EFNA3: variants seen among roughly 807,000 people sequenced by gnomAD.
The protein encoded by EFNA3 is ephrin A3.
In EFNA3, 15 loss-of-function variants were observed where a neutral mutation model predicts 25.0. The observed-to-expected ratio is 0.60, with a 90% CI of 0.40 to 0.92. The LOEUF (loss-of-function observed/expected upper bound fraction) is 0.92, where lower values mean the gene tolerates loss of function less well. Ranked by LOEUF, EFNA3 falls within the 40% of genes least tolerant of loss-of-function variation. The pLI is 0.00. For missense variants in EFNA3, 298 were observed against 323.8 expected, an observed-to-expected ratio of 0.92 and a Z score of 0.61; for synonymous variants, 153 against 145.6, an observed-to-expected ratio of 1.05 and a Z score of -0.37.
At chr1:155,083,668 G>A (rs1663385577) in intron 1 of EFNA3, among the ~76,000 whole-genome samples, 1 of 152,234 alleles carries the variant, frequency 6.6e-6, no homozygotes, top group Admixed American at 6.5e-5. Context: ...TGGGGTCAGG[G>A]GGGAGGGACC....
Position 155,081,741 on chromosome 1 carries a change from C to A in EFNA3, c.128+2672C>A, listed in dbSNP as rs1663346050. 1.3e-5 allele frequency among the ~76,000 whole-genome samples: 2 copies of A among 152,122 alleles called. No homozygotes were observed. The highest frequency in any genetic ancestry group is 2.1e-4 in the South Asian group (1 of 4,828). Reference sequence around the variant, plus strand: ...CCTGTTCTCCAAGACTCTCGGTTCTCGTTCTCTTCCCTGCCTCTCTCGGTT... The same window carrying A: ...CCTGTTCTCCAAGACTCTCGGTTCTAGTTCTCTTCCCTGCCTCTCTCGGTT... On this transcript the variant is annotated intron_variant, in intron 1 of 4. Transcript: ENST00000368408. The surrounding 1 kb of genome is among the most constrained non-coding windows in gnomAD (Gnocchi z 5.2).
Position 155,083,915 on chromosome 1 carries a change from G to A in EFNA3, c.129-1176G>A, listed in dbSNP as rs72702271. 5.9e-3 allele frequency among the ~76,000 whole-genome samples: 906 copies of A among 152,284 alleles called. 3 individuals are homozygous for A. The highest frequency in any genetic ancestry group is 8.2e-3 in the Non-Finnish European group (561 of 68,010). Reference sequence around the variant, plus strand: ...GCATTCTTACGCTAAAGAAATTAGGGAAAACTCCTGCCCCCTCTCCGAGTT... The same window carrying A: ...GCATTCTTACGCTAAAGAAATTAGGAAAAACTCCTGCCCCCTCTCCGAGTT... On this transcript the variant is annotated intron_variant, in intron 1 of 4. Transcript: ENST00000368408.
Position 155,086,107 on chromosome 1 carries a change from CA to C in EFNA3, c.509-20del. The C allele has an allele frequency of 3.8e-6, 6 of 1,595,824 alleles. No individual in the cohort carries two copies. The highest frequency in any genetic ancestry group is 5.1e-6 in the Non-Finnish European group (6 of 1,165,820). On this transcript the variant is annotated intron_variant, in intron 3 of 4. Transcript: ENST00000368408. ...CCCTGACTCTCCCCTCCTCTCTCCC[CA>C]CCCGCACCCCACCCCGCAGCATCGC...
intron 4 of EFNA3, 31 bp downstream of exon 4, chr1:155,086,236 C>T (rs1222412904): frequency 1.2e-6 from 2 of 1,611,626 alleles, no homozygotes; most frequent in East Asian, 2.2e-5. Flanking sequence ...CTGGTGGCCA[C>T]TGCTGGAACC....
rs1308332099 is a variant in EFNA3, at chr1:155,079,387, T to G, written c.128+318T>G. On this transcript the variant is annotated intron_variant, in intron 1 of 4. Coordinates refer to ENST00000368408, the MANE Select transcript of EFNA3 (RefSeq NM_004952.5). The surrounding 1 kb of genome is among the most constrained non-coding windows in gnomAD (Gnocchi z 7.7). Reference sequence around the variant, plus strand: ...TGTCCCATAGTCCCACCAGTTGGGCTGGGGTTTGGGGGTAGCGCTGTGCTG... The same window carrying G: ...TGTCCCATAGTCCCACCAGTTGGGCGGGGGTTTGGGGGTAGCGCTGTGCTG... Among the ~76,000 whole-genome samples, 8 of 152,224 alleles carry G rather than the reference T, an allele frequency of 5.3e-5. No homozygotes were observed. Among genetic ancestry groups the G allele is most frequent in the African/African-American group, 1.9e-4 (8 of 41,544 alleles).
At position 155,085,079 on chromosome 1, in the gene EFNA3, T is replaced by C; in HGVS notation, c.129-12T>C. 1.9e-6 allele frequency: 3 copies of C among 1,612,928 alleles called. No individual in the cohort carries two copies. Among genetic ancestry groups the C allele is most frequent in the Non-Finnish European group, 2.5e-6 (3 of 1,179,720 alleles). On this transcript the variant is annotated splice_polypyrimidine_tract_variant and intron_variant, in intron 1 of 4. Transcript: ENST00000368408. The surrounding 1 kb of genome is among the most constrained non-coding windows in gnomAD (Gnocchi z 4.4). ...GGTTTCTTCTCTCTGAGCCGCTTCCTCTTCCCCACAGCCTGCGGCGAGAGG... is the reference window on the plus strand; with the variant it reads ...GGTTTCTTCTCTCTGAGCCGCTTCCCCTTCCCCACAGCCTGCGGCGAGAGG...
rs931542858 is a variant in EFNA3 at position 155,086,558 on chromosome 1, C to G, written c.*15C>G. On this transcript the variant is annotated 3_prime_UTR_variant, in exon 5 of 5. Transcript: ENST00000368408. The stretch of plus-strand genomic sequence containing the variant: ...TGGCCTCCTAGCTCTGCCCCCTCCC[C>G]TGGGGGGGGAGAGATGGGGCGGGGC... 4.9e-5 allele frequency: 79 copies of G among 1,602,270 alleles called. No homozygotes were observed. Among genetic ancestry groups the G allele is most frequent in the Admixed American group, 8.4e-5 (5 of 59,544 alleles).
At position 155,078,912 on chromosome 1, in the gene EFNA3, C is replaced by A. The variant is rs1405554420; in HGVS notation, c.-30C>A. The A allele has an allele frequency of 1.3e-5, 18 of 1,371,778 alleles. No homozygotes were observed. The highest frequency in any genetic ancestry group is 3.6e-5 in the South Asian group (2 of 55,796). The allele number at this position is 1,371,778 out of a possible 1,614,324, so 85.0% of individuals were successfully genotyped here. On this transcript the variant is annotated 5_prime_UTR_variant, in exon 1 of 5. Coordinates refer to ENST00000368408, the MANE Select transcript of EFNA3 (RefSeq NM_004952.5). ...AGAAGCCGGGAGCGCGGGGCTCAGT[C>A]GGGGGGCGGCGGCGGCGGCGGCTCC... is the stretch of plus-strand genomic sequence containing the variant.
rs757917794 is a variant in EFNA3, at chr1:155,085,953, T to C, written c.508+11T>C. The C allele has an allele frequency of 7.5e-6, 12 of 1,604,710 alleles. No individual in the cohort carries two copies. The highest frequency in any genetic ancestry group is 5.6e-5 in the South Asian group (5 of 89,476). On this transcript the variant is annotated intron_variant, in intron 3 of 4. Coordinates refer to ENST00000368408, the MANE Select transcript of EFNA3 (RefSeq NM_004952.5). This position sits in a 1 kb window ranked among gnomAD's most constrained non-coding sequence, Gnocchi z 4.4. The stretch of plus-strand genomic sequence containing the variant: ...TCTGCTGCGCCTCCAGTGAGTAGAA[T>C]AGGCTCCGAGCCGCGCCCCCATCCT...
Position 155,085,017 on chromosome 1 carries a change from C to T in EFNA3, c.129-74C>T, listed in dbSNP as rs1663423280. The T allele has an allele frequency of 2.6e-6, 4 of 1,532,406 alleles. No individual in the cohort carries two copies. The highest frequency in any genetic ancestry group is 1.4e-5 in the African/African-American group (1 of 72,872). 94.9% of individuals were successfully genotyped at this position (1,532,406 alleles called of 1,614,324 possible). A position where few individuals can be genotyped will look rare whatever the true frequency, so the allele number is the denominator to read the frequency against. On this transcript the variant is annotated intron_variant, in intron 1 of 4. Transcript: ENST00000368408. This position sits in a 1 kb window ranked among gnomAD's most constrained non-coding sequence, Gnocchi z 4.4. ...AGGCTACGCGGACCCTGGGGAGGGG[C>T]TGCGGAGCGGTCAGATGGAAAGCGG...
At chr1:155,084,758 G>C (rs1178776539) in intron 1 of EFNA3, among the ~76,000 whole-genome samples, 1 of 152,226 alleles carries the variant, frequency 6.6e-6, no homozygotes, top group Admixed American at 6.5e-5. Context: ...GGCCTGCGCC[G>C]TTTCTGTGGC....
rs1268667816 is a variant in EFNA3 at position 155,079,617 on chromosome 1, C to T, written c.128+548C>T. Among the ~76,000 whole-genome samples, 1 of 152,036 alleles carries T rather than the reference C, an allele frequency of 6.6e-6. No homozygotes were observed. Among genetic ancestry groups the T allele is most frequent in the Non-Finnish European group, 1.5e-5 (1 of 67,990 alleles). ...CGGCTAGGGTGAGCTAGGGCTGGGT[C>T]GCTGAGTTGGGGGGCCCTGGGAATG... On this transcript the variant is annotated intron_variant, in intron 1 of 4. Coordinates refer to ENST00000368408, the MANE Select transcript of EFNA3 (RefSeq NM_004952.5). This position sits in a 1 kb window ranked among gnomAD's most constrained non-coding sequence, Gnocchi z 7.7.
rs1290969367 is a variant in EFNA3, at chr1:155,078,882, A to G, written c.-60A>G. On this transcript the variant is annotated 5_prime_UTR_variant, in exon 1 of 5. Coordinates refer to ENST00000368408, the MANE Select transcript of EFNA3 (RefSeq NM_004952.5). ...CGGCGGCGGCAGCAGGGAGCTGGGA[A>G]GCGGAGAAGCCGGGAGCGCGGGGCT... is the stretch of plus-strand genomic sequence containing the variant. The G allele has an allele frequency of 1.5e-6, 2 of 1,330,820 alleles. No individual in the cohort carries two copies. Among genetic ancestry groups the G allele is most frequent in the South Asian group, 2.1e-5 (1 of 47,736 alleles). The allele number at this position is 1,330,820 out of a possible 1,614,324, so 82.4% of individuals were successfully genotyped here. A position where few individuals can be genotyped will look rare whatever the true frequency, so the allele number is the denominator to read the frequency against.
intron 4 of EFNA3, 52 bp from the exon 5 acceptor site, chr1:155,086,361 G>A (rs1237881025): frequency 1.9e-6 from 3 of 1,607,230 alleles, no homozygotes; most frequent in African/African-American, 1.3e-5. Context: ...GCGTGCCCCT[G>A]CCCTGGCGCG....
chr1:155,085,172 G>T lies in EFNA3; in HGVS notation c.210G>T (p.Gly70=). 3.9e-6 allele frequency: 6 copies of T among 1,555,522 alleles called. No homozygotes were observed. Among genetic ancestry groups the T allele is most frequent in the Non-Finnish European group, 5.3e-6 (6 of 1,137,142 alleles). ...DIYCPHYNSS[G]VGPGAGPGPG... ...ACTGCCCGCACTACAACAGCTCGGG[G>T]GTGGGCCCCGGGGCGGGACCGGGGC... Residue 70 remains glycine, a synonymous_variant, in exon 2 of 5, where the codon GGG becomes GGT. Coordinates refer to ENST00000368408, the MANE Select transcript of EFNA3 (RefSeq NM_004952.5). The surrounding 1 kb of genome is among the most constrained non-coding windows in gnomAD (Gnocchi z 4.4).
chr1:155,085,340 C>A lies in EFNA3; in HGVS notation c.378C>A (p.Phe126Leu). Residue 126 changes from phenylalanine (F) to leucine (L), a missense_variant, in exon 2 of 5, where the codon TTC (phenylalanine) becomes TTA (leucine). By Grantham distance (22) the Phe-to-Leu change is conservative. Coordinates refer to ENST00000368408, the MANE Select transcript of EFNA3 (RefSeq NM_004952.5). The surrounding 1 kb of genome is among the most constrained non-coding windows in gnomAD (Gnocchi z 4.4). ...GCCCCATCAAGTTCTCGGAGAAGTTCCAGCGCTACAGCGCCTTCTCTCTGG... is the reference window on the plus strand; with the variant it reads ...GCCCCATCAAGTTCTCGGAGAAGTTACAGCGCTACAGCGCCTTCTCTCTGG... Reference protein sequence around the residue: ...PHSPIKFSEKFQRYSAFSLGY... With the variant: ...PHSPIKFSEKLQRYSAFSLGY... The A allele has an allele frequency of 1.2e-6, 2 of 1,612,942 alleles. No homozygotes were observed. Among genetic ancestry groups the A allele is most frequent in the Non-Finnish European group, 8.5e-7 (1 of 1,179,504 alleles).
Position 155,085,745 on chromosome 1 carries a change from C to T in EFNA3, c.443-132C>T. On this transcript the variant is annotated intron_variant, in intron 2 of 4. Transcript: ENST00000368408. The surrounding 1 kb of genome is among the most constrained non-coding windows in gnomAD (Gnocchi z 4.4). ...ACGGCAGAGCTAAAGTGACCCGTGT[C>T]CAAAGGGTAGGGGAGCTCCTGAAGG... 1 of 1,073,050 alleles carries T rather than the reference C, an allele frequency of 9.3e-7. No individual in the cohort carries two copies. The highest frequency in any genetic ancestry group is 1.4e-6 in the Non-Finnish European group (1 of 732,938). The allele number at this position is 1,073,050 out of a possible 1,614,324, so 66.5% of individuals were successfully genotyped here.
rs1252074192 is a variant in EFNA3 at position 155,078,874 on chromosome 1, A to G, written c.-68A>G. On this transcript the variant is annotated 5_prime_UTR_variant, in exon 1 of 5. Transcript: ENST00000368408. ...GGGGCCGACGGCGGCGGCAGCAGGG[A>G]GCTGGGAAGCGGAGAAGCCGGGAGC... 1 of 1,324,006 alleles carries G rather than the reference A, an allele frequency of 7.6e-7. No individual in the cohort carries two copies. The highest frequency in any genetic ancestry group is 9.6e-7 in the Non-Finnish European group (1 of 1,038,866). The allele number at this position is 1,324,006 out of a possible 1,614,324, so 82.0% of individuals were successfully genotyped here. A position where few individuals can be genotyped will look rare whatever the true frequency, so the allele number is the denominator to read the frequency against.
chr1:155,086,640 C>T lies in EFNA3; in HGVS notation c.*97C>T. On this transcript the variant is annotated 3_prime_UTR_variant, in exon 5 of 5. Transcript: ENST00000368408. ...AAGGGAAGCCTAGTGGGCCTAGACC[C>T]CTCCTCCCATGGCTAGAAGTGGGGC... is the stretch of plus-strand genomic sequence containing the variant. 6.8e-7 allele frequency: 1 copy of T among 1,477,712 alleles called. No individual in the cohort carries two copies. Among genetic ancestry groups the T allele is most frequent in the East Asian group, 2.3e-5 (1 of 44,072 alleles). The allele number at this position is 1,477,712 out of a possible 1,614,324, so 91.5% of individuals were successfully genotyped here.
Sources: gnomAD v4.1 joint callset for allele counts (sites outside exome capture counted in the v4.1 genomes callset) on GRCh38, gnomAD v4.1.1 for gene constraint, Gnocchi (gnomAD v3.1) non-coding constraint, MANE v1.5 for transcripts, NCBI Gene and HGNC (gene_info 2026-07-23, HGNC 2026-07-21) for gene names.